The following NTNG1 variants were observed in gnomAD, a reference collection of about 807,000 sequenced individuals.
NTNG1 encodes the protein netrin-G1.
Under a neutral mutation model 54.0 loss-of-function variants are expected in NTNG1, and 16 were observed. The ratio of observed to expected loss-of-function variants is 0.30; its 90% CI spans 0.20 to 0.45. The LOEUF (loss-of-function observed/expected upper bound fraction) is 0.45. Among genes scored for constraint, NTNG1 ranks in the 20% least tolerant of loss-of-function variants. The pLI, the probability that NTNG1 is intolerant of heterozygous loss-of-function variation, is 1.00. For synonymous variants in NTNG1, 255 were observed against 263.1 expected, an observed-to-expected ratio of 0.97 and a Z score of 0.30; for missense variants, 530 against 678.7, an observed-to-expected ratio of 0.78 and a Z score of 2.43.
At chr1:107,461,637 G>A (rs1379390283) in intron 7 of NTNG1, among the ~76,000 whole-genome samples, 1 of 151,288 alleles carries the variant, frequency 6.6e-6, no homozygotes, top group East Asian at 1.9e-4. Context: ...GGGTTCAAGC[G>A]ATTCCCCTGC....
chr1:107,324,967 A>G, intron 3 of NTNG1, 45 bp downstream of exon 3: 1 of 1,537,044 alleles, frequency 6.5e-7, no homozygotes, highest in Non-Finnish European at 8.8e-7. Context: ...GGTGTGTCCA[A>G]AGAAAATGCC....
intron 2 of NTNG1, among the ~76,000 whole-genome samples, chr1:107,249,998 C>T (rs1367848437): frequency 6.6e-6 from 1 of 152,134 alleles, no homozygotes; most frequent in African/African-American, 2.4e-5. Flanking sequence ...GTCTCCCATG[C>T]AGTGTAGGGG....
At chr1:107,324,179 AT>A (rs567737906) in intron 2 of NTNG1, 102 bp from the exon 3 acceptor site, 1,298 of 992,896 alleles carry the variant, frequency 1.3e-3, no homozygotes, top group Non-Finnish European at 1.6e-3. Flanking sequence ...CTGAAAACAG[AT>A]TTTTTTTTTC....
At chr1:107,456,423 T>C (rs1329587402) in intron 7 of NTNG1, among the ~76,000 whole-genome samples, 1 of 152,210 alleles carries the variant, frequency 6.6e-6, no homozygotes. Flanking sequence ...TTCTGTCTCA[T>C]GCTATCTGAT....
intron 2 of NTNG1, among the ~76,000 whole-genome samples, chr1:107,154,615 A>AAC (rs1553192188): frequency 6.7e-6 from 1 of 149,770 alleles, no homozygotes; most frequent in Admixed American, 6.7e-5. Context: ...AAAAAAAAAA[A>AAC]AAAAAAAAAC....
intron 2 of NTNG1, among the ~76,000 whole-genome samples, chr1:107,249,283 C>T (rs772205226): frequency 3.3e-5 from 5 of 151,590 alleles, no homozygotes; most frequent in East Asian, 1.9e-4. Flanking sequence ...GTCATGAGTT[C>T]GAGACCAGCC....
intron 1 of NTNG1, chr1:107,141,507 C>T (rs1653702471): frequency 1.3e-5 from 2 of 151,980 alleles, no homozygotes; most frequent in South Asian, 4.1e-4. Context: ...AGCCTCTCGC[C>T]CGTGCCCCTC....
intron 2 of NTNG1, among the ~76,000 whole-genome samples, chr1:107,187,597 C>T (rs1657563713): frequency 6.6e-6 from 1 of 152,104 alleles, no homozygotes; most frequent in Non-Finnish European, 1.5e-5. Flanking sequence ...GGTTTCAGCT[C>T]CAAACAGATC....
chr1:107,386,996 C>T (rs1026363532), intron 3 of NTNG1, among the ~76,000 whole-genome samples: 4 of 152,176 alleles, frequency 2.6e-5, no homozygotes, highest in African/African-American at 9.7e-5. Context: ...CCCTTAATGA[C>T]AAATAATGTT....
chr1:107,413,287 T>G (rs143851534), intron 5 of NTNG1, among the ~76,000 whole-genome samples: 1 of 151,878 alleles, frequency 6.6e-6, no homozygotes, highest in Non-Finnish European at 1.5e-5. Flanking sequence ...CTCAGCCTCC[T>G]GAATAGCTGG....
chr1:107,449,763 A>G (rs888468138), intron 7 of NTNG1, among the ~76,000 whole-genome samples: 2 of 151,870 alleles, frequency 1.3e-5, no homozygotes, highest in African/African-American at 4.8e-5. Flanking sequence ...TTTTCTATTA[A>G]CTAAATCCAG....
chr1:107,170,042 T>C (rs528919818), intron 2 of NTNG1, among the ~76,000 whole-genome samples: 12 of 152,260 alleles, frequency 7.9e-5, no homozygotes, highest in Admixed American at 7.2e-4. Flanking sequence ...TAGGATAATC[T>C]CCCTTACTGA....
intron 2 of NTNG1, among the ~76,000 whole-genome samples, chr1:107,203,574 C>CTG (rs56271895): frequency 0.018 from 2,704 of 150,104 alleles, 71 homozygotes; most frequent in African/African-American, 0.062. Flanking sequence ...TATATAGTTA[C>CTG]TGTGTGTGTG....
At chr1:107,221,761 A>C (rs1458485501) in intron 2 of NTNG1, among the ~76,000 whole-genome samples, 1 of 152,148 alleles carries the variant, frequency 6.6e-6, no homozygotes, top group East Asian at 1.9e-4. Flanking sequence ...CTGTTCAGTA[A>C]AAAAGAGAGT....
intron 2 of NTNG1, among the ~76,000 whole-genome samples, chr1:107,255,065 T>C (rs1662843607): frequency 6.6e-6 from 1 of 152,216 alleles, no homozygotes; most frequent in Admixed American, 6.5e-5. Context: ...CTAGGACTTT[T>C]AATACTATAG....
intron 2 of NTNG1, among the ~76,000 whole-genome samples, chr1:107,160,471 T>A (rs1437845705): frequency 6.6e-6 from 1 of 152,120 alleles, no homozygotes; most frequent in Non-Finnish European, 1.5e-5. Flanking sequence ...TCTCCCTGCT[T>A]CCTACTTTTG....
chr1:107,241,963 A>G (rs1435445335), intron 2 of NTNG1, among the ~76,000 whole-genome samples: 1 of 152,184 alleles, frequency 6.6e-6, no homozygotes, highest in Non-Finnish European at 1.5e-5. Context: ...AATGTATCAT[A>G]CATATATTAG....
intron 4 of NTNG1, among the ~76,000 whole-genome samples, chr1:107,395,782 A>T (rs999989937): frequency 3.9e-5 from 6 of 152,128 alleles, no homozygotes; most frequent in Non-Finnish European, 7.4e-5. Flanking sequence ...TCCCCACTAC[A>T]GTTTTAGCTA....
intron 2 of NTNG1, among the ~76,000 whole-genome samples, chr1:107,245,903 T>C (rs1030467133): frequency 3.9e-5 from 6 of 152,224 alleles, no homozygotes; most frequent in South Asian, 2.1e-4. Flanking sequence ...GCCAGAAACA[T>C]ACTAGGTGGT....
Sources: gnomAD v4.1 joint callset for allele counts (sites outside exome capture counted in the v4.1 genomes callset) on GRCh38, gnomAD v4.1.1 for gene constraint, MANE v1.5 for transcripts, NCBI Gene and HGNC (gene_info 2026-07-23, HGNC 2026-07-21) for gene names.